The following SMIM14 variants were observed in gnomAD, a reference collection of about 807,000 sequenced individuals.
The protein encoded by SMIM14 is small integral membrane protein 14, also known as chromosome 4 open reading frame 34.
SMIM14 carries 5 observed loss-of-function variants against 12.6 expected under a neutral mutation model. The observed-to-expected ratio is 0.40, with a 90% CI of 0.21 to 0.83. The LOEUF (loss-of-function observed/expected upper bound fraction) is 0.83, where lower values mean the gene tolerates loss of function less well. Ranked by LOEUF, SMIM14 falls within the 40% of genes least tolerant of loss-of-function variation. The probability of loss-of-function intolerance (pLI) is 0.37; values close to 1 mark genes in which losing one functional copy is unlikely to be tolerated. For synonymous variants in SMIM14, 30 were observed against 40.1 expected, an observed-to-expected ratio of 0.75 and a Z score of 0.95; for missense variants, 86 against 119.1, an observed-to-expected ratio of 0.72 and a Z score of 1.29.
At chr4:39,637,203 T>C (rs1302423822) in intron 1 of SMIM14, among the ~76,000 whole-genome samples, 4 of 152,224 alleles carry the variant, frequency 2.6e-5, no homozygotes, top group Admixed American at 2.0e-4. Flanking sequence ...GGCAGGATTA[T>C]TGATTTTTTT....
At chr4:39,580,203 CAG>C in intron 2 of SMIM14, among the ~76,000 whole-genome samples, 1 of 144,706 alleles carries the variant, frequency 6.9e-6, no homozygotes, top group Admixed American at 7.3e-5. Flanking sequence ...TATTTTGAGA[CAG>C]GGTTTCACTC....
At chr4:39,584,146 C>T (rs1713657469) in intron 2 of SMIM14, among the ~76,000 whole-genome samples, 1 of 151,826 alleles carries the variant, frequency 6.6e-6, no homozygotes, top group Non-Finnish European at 1.5e-5. Flanking sequence ...TACATCTGAT[C>T]ACATTTTGAT....
chr4:39,634,279 AC>A (rs1284149442), intron 1 of SMIM14, among the ~76,000 whole-genome samples: 1 of 152,218 alleles, frequency 6.6e-6, no homozygotes, highest in African/African-American at 2.4e-5. Flanking sequence ...AAAAAGACCA[AC>A]AAAACAACGG....
chr4:39,576,989 T>G (rs1578326235), intron 2 of SMIM14, among the ~76,000 whole-genome samples: 1 of 151,332 alleles, frequency 6.6e-6, no homozygotes, highest in Non-Finnish European at 1.5e-5. Context: ...GGGATTACAG[T>G]CATGAGCCAC....
intron 4 of SMIM14, among the ~76,000 whole-genome samples, chr4:39,555,358 G>T (rs969894826): frequency 6.6e-6 from 1 of 151,796 alleles, no homozygotes; most frequent in African/African-American, 2.4e-5. Context: ...TCGGCCTCCT[G>T]AGTAGCTGAG....
At chr4:39,622,328 C>CA (rs2110075817) in intron 1 of SMIM14, among the ~76,000 whole-genome samples, 2 of 150,954 alleles carry the variant, frequency 1.3e-5, no homozygotes, top group South Asian at 4.2e-4. Flanking sequence ...ATGATCCCCC[C>CA]AACTTGGCCT....
chr4:39,611,589 G>A (rs1276068855), intron 1 of SMIM14, among the ~76,000 whole-genome samples: 2 of 151,690 alleles, frequency 1.3e-5, no homozygotes, highest in African/African-American at 4.9e-5. Context: ...CAGGAGAATC[G>A]CTTGAACCCA....
intron 1 of SMIM14, among the ~76,000 whole-genome samples, chr4:39,610,446 T>G (rs553139875): frequency 6.8e-6 from 1 of 148,092 alleles, no homozygotes; most frequent in Non-Finnish European, 1.5e-5. Context: ...GGCAGGGTGA[T>G]TGTCTTTTTT....
At chr4:39,619,217 TAA>T (rs939840241) in intron 1 of SMIM14, among the ~76,000 whole-genome samples, 2 of 138,386 alleles carry the variant, frequency 1.4e-5, no homozygotes, top group Non-Finnish European at 3.1e-5. Context: ...TCAATAAATA[TAA>T]TTTATTCTAT....
intron 1 of SMIM14, among the ~76,000 whole-genome samples, chr4:39,614,875 G>A (rs1560304998): frequency 6.6e-6 from 1 of 152,136 alleles, no homozygotes; most frequent in Non-Finnish European, 1.5e-5. Context: ...CCCTTATTCT[G>A]CAGGTCCAGG....
At chr4:39,630,567 A>C (rs1449510443) in intron 1 of SMIM14, among the ~76,000 whole-genome samples, 4 of 152,122 alleles carry the variant, frequency 2.6e-5, no homozygotes, top group Non-Finnish European at 5.9e-5. Flanking sequence ...TGTGATAAAG[A>C]AAGCAATTAT....
intron 4 of SMIM14, among the ~76,000 whole-genome samples, chr4:39,553,813 T>A (rs1711860976): frequency 6.6e-6 from 1 of 150,646 alleles, no homozygotes; most frequent in Non-Finnish European, 1.5e-5. Flanking sequence ...AGGCTGGTCT[T>A]GAACTCCTGA....
intron 3 of SMIM14, among the ~76,000 whole-genome samples, chr4:39,557,190 C>T (rs954682275): frequency 4.0e-5 from 6 of 151,874 alleles, no homozygotes; most frequent in South Asian, 2.1e-4. Flanking sequence ...TTTTGTATTT[C>T]TAGTTGAGAC....
At chr4:39,576,682 ATATTTTTTTTTTTTTTTTT>A (rs1713207585) in intron 2 of SMIM14, among the ~76,000 whole-genome samples, 1 of 31,020 alleles carries the variant, frequency 3.2e-5, no homozygotes, top group African/African-American at 1.6e-4. Context: ...ATATATATAT[ATATTTTTTTTTTTTTTTTT>A]TTTTTTTTTT....
intron 2 of SMIM14, among the ~76,000 whole-genome samples, chr4:39,579,453 A>G (rs1299202466): frequency 6.6e-6 from 1 of 152,058 alleles, no homozygotes; most frequent in Admixed American, 6.6e-5. Flanking sequence ...AAAGGCACAA[A>G]AAGGGATTAA....
rs184270965 is a variant in SMIM14, at chr4:39,631,256, C to T, written c.-36+7483G>A. On this transcript the variant is annotated intron_variant, in intron 1 of 4. Transcript: ENST00000295958. ...TTGAGGCACAAGAATCGCTTGAACTCGGGAGGTGGAGGTTGCAGTGAGCTG... is the reference window on the plus strand; with the variant it reads ...TTGAGGCACAAGAATCGCTTGAACTTGGGAGGTGGAGGTTGCAGTGAGCTG... Among the ~76,000 whole-genome samples the T allele has an allele frequency of 4.3e-4, 64 of 149,862 alleles. No homozygotes were observed. The East Asian group carries it at 0.012, about 27-fold the overall frequency.
intron 2 of SMIM14, among the ~76,000 whole-genome samples, chr4:39,583,671 T>C (rs1713630419): frequency 6.6e-6 from 1 of 152,138 alleles, no homozygotes; most frequent in South Asian, 2.1e-4. Flanking sequence ...AACCATTCTG[T>C]TACCATTTTA....
At chr4:39,590,528 G>A (rs998643120) in intron 2 of SMIM14, among the ~76,000 whole-genome samples, 15 of 151,922 alleles carry the variant, frequency 9.9e-5, no homozygotes, top group Admixed American at 2.0e-4. Context: ...TCGGCTGGGC[G>A]TGGTGGCTCA....
intron 2 of SMIM14, among the ~76,000 whole-genome samples, chr4:39,576,885 A>T (rs1237186764): frequency 6.7e-6 from 1 of 148,490 alleles, no homozygotes; most frequent in East Asian, 2.0e-4. Flanking sequence ...CTAATTTTGT[A>T]TTTTCAGTAG....
Sources: allele counts gnomAD v4.1 joint callset (sites outside exome capture counted in the v4.1 genomes callset), GRCh38; gene constraint gnomAD v4.1.1; transcripts MANE v1.5; gene names NCBI Gene and HGNC (gene_info 2026-07-23, HGNC 2026-07-21).